The following NRG1 variants were observed in gnomAD, a reference collection of about 807,000 sequenced individuals.
NRG1 encodes the protein neuregulin 1.
In NRG1, 18 loss-of-function variants were observed where a neutral mutation model predicts 63.8. The observed-to-expected ratio is 0.28, with a 90% CI of 0.19 to 0.42. The LOEUF is 0.42. NRG1 is among the 10% of genes least tolerant of loss of function. NRG1 has a pLI of 1.00. For missense variants in NRG1, 762 were observed against 814.7 expected (o/e 0.94, Z 0.79); for synonymous variants, 302 against 301.3 (o/e 1.00, Z -0.02).
intron 1 of NRG1, among the ~76,000 whole-genome samples, chr8:31,841,996 C>T (rs1826243824): frequency 6.6e-6 from 1 of 152,160 alleles, no homozygotes; most frequent in Non-Finnish European, 1.5e-5. Flanking sequence ...TGTGCCTTCC[C>T]TCCTCCTCCT....
intron 1 of NRG1, among the ~76,000 whole-genome samples, chr8:32,269,835 C>G (rs1851360813): frequency 6.6e-6 from 1 of 152,130 alleles, no homozygotes; most frequent in South Asian, 2.1e-4. Context: ...ACTTATTTCT[C>G]TTTCTCCTAA....
intron 1 of NRG1, among the ~76,000 whole-genome samples, chr8:31,951,898 G>A (rs984175751): frequency 1.3e-5 from 2 of 152,028 alleles, no homozygotes; most frequent in Non-Finnish European, 2.9e-5. Context: ...CGTCAAGCAA[G>A]GGGTTCCCTT....
intron 1 of NRG1, among the ~76,000 whole-genome samples, chr8:32,352,312 C>T (rs1355109642): frequency 6.6e-6 from 1 of 151,912 alleles, no homozygotes; most frequent in African/African-American, 2.4e-5. Context: ...TTAGGACTGC[C>T]ATTAACTTCA....
intron 5 of NRG1, among the ~76,000 whole-genome samples, chr8:32,617,956 T>C (rs1393047055): frequency 6.6e-6 from 1 of 152,176 alleles, no homozygotes; most frequent in Non-Finnish European, 1.5e-5. Flanking sequence ...GTTTTGGCTA[T>C]ATTTTAACTA....
At chr8:31,750,777 G>A (rs546289284) in intron 1 of NRG1, among the ~76,000 whole-genome samples, 1 of 152,048 alleles carries the variant, frequency 6.6e-6, no homozygotes, top group South Asian at 2.1e-4. Context: ...TGGTCATGCA[G>A]TGATATTTGC....
At chr8:31,753,176 A>T (rs1816653055) in intron 1 of NRG1, among the ~76,000 whole-genome samples, 1 of 152,068 alleles carries the variant, frequency 6.6e-6, no homozygotes, top group Admixed American at 6.6e-5. Flanking sequence ...ATTGATATTG[A>T]TATTTTACTT....
intron 3 of NRG1, among the ~76,000 whole-genome samples, chr8:32,609,552 C>CTCCCT (rs1554602383): frequency 1.2e-5 from 1 of 83,174 alleles, no homozygotes; most frequent in Non-Finnish European, 2.5e-5. Flanking sequence ...CCTTCCCTCC[C>CTCCCT]TCCTTCCTTC....
intron 1 of NRG1, among the ~76,000 whole-genome samples, chr8:32,514,466 C>G (rs548192112): frequency 6.6e-6 from 1 of 152,076 alleles, no homozygotes; most frequent in Non-Finnish European, 1.5e-5. Flanking sequence ...ATGCATGTAA[C>G]ATACAACAAA....
intron 1 of NRG1, among the ~76,000 whole-genome samples, chr8:32,103,657 T>TA (rs966004140): frequency 2.0e-5 from 3 of 152,226 alleles, no homozygotes; most frequent in African/African-American, 7.2e-5. Flanking sequence ...AGTGGCTTTC[T>TA]AGAACCTCCT....
At chr8:32,009,665 A>ATTTTT (rs1814413234) in intron 1 of NRG1, among the ~76,000 whole-genome samples, 1 of 151,848 alleles carries the variant, frequency 6.6e-6, no homozygotes, top group Non-Finnish European at 1.5e-5. Flanking sequence ...AAGGAGCTTT[A>ATTTTT]CTCTTTGAAT....
intron 1 of NRG1, among the ~76,000 whole-genome samples, chr8:31,822,221 G>A (rs1231165283): frequency 1.3e-5 from 2 of 152,088 alleles, no homozygotes; most frequent in African/African-American, 4.8e-5. Flanking sequence ...CCATGGATAC[G>A]ATATCACTCA....
chr8:32,408,014 C>A (rs1814338442), intron 1 of NRG1, among the ~76,000 whole-genome samples: 1 of 152,074 alleles, frequency 6.6e-6, no homozygotes, highest in Non-Finnish European at 1.5e-5. Context: ...TGCCTGCAAA[C>A]AAAATGTTTC....
At chr8:32,014,024 C>T (rs1351894705) in intron 1 of NRG1, among the ~76,000 whole-genome samples, 1 of 152,108 alleles carries the variant, frequency 6.6e-6, no homozygotes, top group African/African-American at 2.4e-5. Flanking sequence ...ATTTCTCAGG[C>T]CTCACATCAC....
intron 1 of NRG1, among the ~76,000 whole-genome samples, chr8:32,394,277 A>G (rs950945702): frequency 2.0e-5 from 3 of 152,224 alleles, no homozygotes; most frequent in African/African-American, 7.2e-5. Context: ...TAGCTGGTTT[A>G]TAAATCAGGA....
chr8:31,771,771 G>A (rs371955860), intron 1 of NRG1, among the ~76,000 whole-genome samples: 503 of 152,206 alleles, frequency 3.3e-3, no homozygotes, highest in Non-Finnish European at 6.3e-3. Flanking sequence ...CAATCTTCTT[G>A]GTACCTGAGG....
At chr8:32,430,054 C>T (rs969250438) in intron 1 of NRG1, among the ~76,000 whole-genome samples, 1 of 152,084 alleles carries the variant, frequency 6.6e-6, no homozygotes, top group Admixed American at 6.6e-5. Context: ...TAGTAACATC[C>T]TGTTCTTGAC....
intron 1 of NRG1, among the ~76,000 whole-genome samples, chr8:32,380,880 C>T (rs888202435): frequency 6.6e-6 from 1 of 152,104 alleles, no homozygotes; most frequent in Non-Finnish European, 1.5e-5. Flanking sequence ...ATATCCATCA[C>T]CTTTTAAAAG....
chr8:32,684,027 G>A (rs1589187467), intron 5 of NRG1, among the ~76,000 whole-genome samples: 1 of 151,838 alleles, frequency 6.6e-6, no homozygotes, highest in African/African-American at 2.4e-5. Context: ...AAACCCCACC[G>A]CTACTATAAA....
chr8:32,662,785 T>C (rs1355999287), intron 5 of NRG1, among the ~76,000 whole-genome samples: 1 of 152,190 alleles, frequency 6.6e-6, no homozygotes, highest in Admixed American at 6.5e-5. Flanking sequence ...GTTGAAAGGA[T>C]ACGGTTATCA....
Sources: gnomAD v4.1 joint callset for allele counts (sites outside exome capture counted in the v4.1 genomes callset) on GRCh38, gnomAD v4.1.1 for gene constraint, MANE v1.5 for transcripts, NCBI Gene and HGNC (gene_info 2026-07-23, HGNC 2026-07-21) for gene names.